The following REEP3 variants were observed in gnomAD, a reference collection of about 807,000 sequenced individuals.
The protein encoded by REEP3 is receptor expression-enhancing protein 3.
In REEP3, 20 loss-of-function variants were observed where a neutral mutation model predicts 41.3. The ratio of observed to expected loss-of-function variants is 0.48; its 90% CI spans 0.34 to 0.70. REEP3 has a LOEUF of 0.70. REEP3 is among the 30% of genes least tolerant of loss of function. REEP3 has a pLI of 0.01. For synonymous variants in REEP3, 104 were observed against 101.8 expected, an observed-to-expected ratio of 1.02 and a Z score of -0.13; for missense variants, 271 against 308.8, an observed-to-expected ratio of 0.88 and a Z score of 0.92.
chr10:63,580,122 C>CATT (rs1554806413), intron 2 of REEP3, among the ~76,000 whole-genome samples: 3 of 151,438 alleles, frequency 2.0e-5, no homozygotes, highest in South Asian at 2.1e-4. Flanking sequence ...AGCTGGTTTT[C>CATT]GTTGTTGTTG....
chr10:63,527,489 TG>T (rs1955376760), intron 1 of REEP3, among the ~76,000 whole-genome samples: 1 of 152,010 alleles, frequency 6.6e-6, no homozygotes, highest in Non-Finnish European at 1.5e-5. Context: ...CCAGGCAACC[TG>T]GTGAAACCCC....
intron 2 of REEP3, among the ~76,000 whole-genome samples, chr10:63,567,280 T>C (rs1395536240): frequency 6.6e-6 from 1 of 152,100 alleles, no homozygotes; most frequent in South Asian, 2.1e-4. Flanking sequence ...TATACATATA[T>C]ATAATACAAT....
chr10:63,529,018 T>C (rs1269588433), intron 1 of REEP3, among the ~76,000 whole-genome samples: 2 of 152,208 alleles, frequency 1.3e-5, no homozygotes, highest in African/African-American at 2.4e-5. Flanking sequence ...CAAAAGAAGC[T>C]CAATAAATAT....
intron 1 of REEP3, among the ~76,000 whole-genome samples, chr10:63,559,025 A>G (rs1955716738): frequency 6.6e-6 from 1 of 152,140 alleles, no homozygotes; most frequent in Non-Finnish European, 1.5e-5. Context: ...TAGAAGCATG[A>G]TTCTGAAAGC....
intron 2 of REEP3, among the ~76,000 whole-genome samples, chr10:63,583,266 C>T (rs977614122): frequency 1.3e-5 from 2 of 152,196 alleles, no homozygotes; most frequent in Non-Finnish European, 2.9e-5. Flanking sequence ...GCTGGGACTA[C>T]AGGCGTCAGC....
At chr10:63,606,163 T>G in intron 5 of REEP3, 1 of 846,426 alleles carries the variant, frequency 1.2e-6, no homozygotes, top group South Asian at 5.4e-5. Context: ...GGATCTAAAG[T>G]GCTGAAATAT....
At chr10:63,574,656 A>G (rs1955881852) in intron 2 of REEP3, among the ~76,000 whole-genome samples, 1 of 151,940 alleles carries the variant, frequency 6.6e-6, no homozygotes, top group Non-Finnish European at 1.5e-5. Flanking sequence ...GTTATTCACT[A>G]TCTTGTTGTT....
chr10:63,527,576 G>T (rs1018764973), intron 1 of REEP3, among the ~76,000 whole-genome samples: 2 of 151,176 alleles, frequency 1.3e-5, no homozygotes, highest in Non-Finnish European at 2.9e-5. Flanking sequence ...GGCTACTGTG[G>T]ATGCTGAAGT....
rs1400260279 is a variant in REEP3 at position 63,566,549 on chromosome 10, C to CT, written c.105+145dup. The CT allele has an allele frequency of 5.0e-5, 28 of 559,100 alleles. 1 individual carries two copies. In the Middle Eastern group the frequency reaches 7.2e-3, roughly 145 times the overall value. The allele number at this position is 559,100 out of a possible 1,614,324, so 34.6% of individuals were successfully genotyped here. ...ATGAATGTGAAGTAACAAAACTAAT[C>CT]TTTTTTAAAATCTTTGAAGATAACC... On this transcript the variant is annotated intron_variant, in intron 2 of 7. Coordinates refer to ENST00000373758, the MANE Select transcript of REEP3 (RefSeq NM_001001330.3).
At chr10:63,586,067 A>G (rs1044003558) in intron 2 of REEP3, among the ~76,000 whole-genome samples, 4 of 152,194 alleles carry the variant, frequency 2.6e-5, no homozygotes, top group Non-Finnish European at 1.5e-5. Context: ...TTCATTTGGC[A>G]TTAGGGTAGG....
chr10:63,590,665 T>C (rs1956053337), intron 2 of REEP3, among the ~76,000 whole-genome samples: 1 of 152,178 alleles, frequency 6.6e-6, no homozygotes, highest in Non-Finnish European at 1.5e-5. Context: ...TGGGTTGAAA[T>C]TGTGCACCAC....
chr10:63,586,896 G>C (rs1956012634), intron 2 of REEP3, among the ~76,000 whole-genome samples: 2 of 151,516 alleles, frequency 1.3e-5, no homozygotes, highest in African/African-American at 4.8e-5. Context: ...CAAGGCATTA[G>C]ATACACTCTT....
chr10:63,574,896 C>T (rs1371478809), intron 2 of REEP3, among the ~76,000 whole-genome samples: 1 of 118,204 alleles, frequency 8.5e-6, no homozygotes, highest in Admixed American at 1.1e-4. Flanking sequence ...CTCGCTCTGT[C>T]GCCCAGGCTG....
rs1215885051 is a variant in REEP3 at position 63,623,753 on chromosome 10, A to ATATG, written c.*2886_*2889dup. On this transcript the variant is annotated 3_prime_UTR_variant, in exon 8 of 8. Coordinates refer to ENST00000373758, the MANE Select transcript of REEP3 (RefSeq NM_001001330.3). ...ATCCCCCTCACATACTTCACAATAT[A>ATATG]TATGTGTGTGTGTGTGTGTGTGTGT... The ATATG allele has an allele frequency of 4.5e-5, 5 of 110,176 alleles. No individual in the cohort carries two copies. The highest frequency in any genetic ancestry group is 9.5e-5 in the Non-Finnish European group (5 of 52,890). 6.8% of individuals were successfully genotyped at this position (110,176 alleles called of 1,614,324 possible). A position where few individuals can be genotyped will look rare whatever the true frequency, so the allele number is the denominator to read the frequency against.
chr10:63,562,506 C>T (rs547115382), intron 1 of REEP3: 2 of 455,524 alleles, frequency 4.4e-6, no homozygotes, highest in Admixed American at 2.4e-5. Context: ...ATCCATCCCC[C>T]TCAACCTCCC....
intron 1 of REEP3, among the ~76,000 whole-genome samples, chr10:63,550,623 G>A (rs940558882): frequency 1.1e-4 from 17 of 152,144 alleles, no homozygotes; most frequent in South Asian, 4.1e-4. Flanking sequence ...TGGTAAGGTA[G>A]CATTCACAGG....
chr10:63,572,603 T>C (rs1436175236), intron 2 of REEP3, among the ~76,000 whole-genome samples: 1 of 152,240 alleles, frequency 6.6e-6, no homozygotes, highest in Non-Finnish European at 1.5e-5. Flanking sequence ...ACAGTAATCC[T>C]ATCCAAATTT....
intron 6 of REEP3, among the ~76,000 whole-genome samples, chr10:63,612,557 G>A (rs972024595): frequency 2.6e-5 from 4 of 152,048 alleles, no homozygotes; most frequent in African/African-American, 7.2e-5. Flanking sequence ...TTGGGAGGCC[G>A]AGGCAGGCAG....
chr10:63,522,157 G>T (rs1217697560), intron 1 of REEP3, among the ~76,000 whole-genome samples: 1 of 151,974 alleles, frequency 6.6e-6, no homozygotes, highest in African/African-American at 2.4e-5. Flanking sequence ...ACCGGAGACC[G>T]CTCCCAGCCC....
Sources: allele counts gnomAD v4.1 joint callset (sites outside exome capture counted in the v4.1 genomes callset), GRCh38; gene constraint gnomAD v4.1.1; transcripts MANE v1.5; gene names NCBI Gene and HGNC (gene_info 2026-07-23, HGNC 2026-07-21).